Variants in MS4A1 observed in about 807,000 individuals in gnomAD.
MS4A1 encodes the protein B-lymphocyte antigen CD20.
A neutral mutation model predicts 26.5 loss-of-function variants in MS4A1; 16 were observed. The ratio of observed to expected loss-of-function variants is 0.60; its 90% CI spans 0.41 to 0.92. MS4A1 has a LOEUF of 0.92. MS4A1 is among the 40% of genes least tolerant of loss of function. The pLI, the probability that MS4A1 is intolerant of heterozygous loss-of-function variation, is 0.00. For missense variants in MS4A1, 350 were observed against 353.0 expected (o/e 0.99, Z 0.07); for synonymous variants, 128 against 117.6 (o/e 1.09, Z -0.57).
intron 6 of MS4A1, chr11:60,466,673 T>C: frequency 1.2e-5 from 5 of 432,538 alleles, no homozygotes; most frequent in South Asian, 1.1e-4. Flanking sequence ...TTGAGACTCA[T>C]TACTTATTCT....
chr11:60,465,472 C>T (rs1415721720), intron 5 of MS4A1, among the ~76,000 whole-genome samples: 2 of 152,168 alleles, frequency 1.3e-5, no homozygotes, highest in Non-Finnish European at 2.9e-5. Context: ...CCTTCCCAAC[C>T]TATACTTCAT....
intron 7 of MS4A1, among the ~76,000 whole-genome samples, chr11:60,467,584 T>C (rs1389742095): frequency 6.6e-6 from 1 of 152,016 alleles, no homozygotes; most frequent in Non-Finnish European, 1.5e-5. Flanking sequence ...CCTCTGTGCA[T>C]CTTCTTATTA....
chr11:60,461,703 A>T (rs1054808582), intron 2 of MS4A1, among the ~76,000 whole-genome samples: 15 of 151,592 alleles, frequency 9.9e-5, no homozygotes, highest in African/African-American at 2.9e-4. Flanking sequence ...TATTTGTAGT[A>T]GAGATGGGGT....
At position 60,461,101 on chromosome 11, in the gene MS4A1, C is replaced by T. The variant is rs2086243862; in HGVS notation, c.-250C>T. On this transcript the variant is annotated 5_prime_UTR_variant, in exon 2 of 8. Transcript: ENST00000345732. Reference sequence around the variant, plus strand: ...TGAACAAGAGAGAACAAAATCTCTACTTTGATGGAACTTCCATTCTGTGGG... The same window carrying T: ...TGAACAAGAGAGAACAAAATCTCTATTTTGATGGAACTTCCATTCTGTGGG... The T allele has an allele frequency of 6.6e-6, 1 of 151,806 alleles. No homozygotes were observed. The highest frequency in any genetic ancestry group is 1.5e-5 in the Non-Finnish European group (1 of 68,034). The allele number at this position is 151,806 out of a possible 1,614,324, so 9.4% of individuals were successfully genotyped here. A position where few individuals can be genotyped will look rare whatever the true frequency, so the allele number is the denominator to read the frequency against.
intron 5 of MS4A1, among the ~76,000 whole-genome samples, chr11:60,464,707 T>C (rs2086276560): frequency 6.6e-6 from 1 of 152,354 alleles, no homozygotes; most frequent in East Asian, 1.9e-4. Context: ...TAAGCCATTT[T>C]TTGGCCGTAA....
rs950305878 is a variant in MS4A1, at chr11:60,468,745, G to C, written c.*277G>C. ...TCAGAATGTGATTTCCTACTAACCT[G>C]TTCCTTGGATAGGCTTTTTAGTATA... On this transcript the variant is annotated 3_prime_UTR_variant, in exon 8 of 8. Transcript: ENST00000345732. The C allele has an allele frequency of 9.0e-6, 4 of 443,678 alleles. No individual in the cohort carries two copies. The highest frequency in any genetic ancestry group is 1.6e-5 in the Non-Finnish European group (4 of 248,510). The allele number at this position is 443,678 out of a possible 1,614,324, so 27.5% of individuals were successfully genotyped here.
At position 60,468,266 on chromosome 11, in the gene MS4A1, C is replaced by A. The variant is rs2086311476; in HGVS notation, c.692C>A (p.Ser231Ter). ...CTGTTTTAGAACATAGTTCTCCTGT[C>A]AGCAGAAGAAAAAAAAGAACAGACT... The part of the protein sequence containing the change: ...SRPKSNIVLL[S>*]AEEKKEQTIE... The change falls in exon 8 of 8, where the codon TCA (serine) becomes TAA (stop). Residue 231 changes from serine (S) to a stop codon, truncating the protein, a stop_gained. Transcript: ENST00000345732. LOFTEE classifies it high-confidence loss of function. The A allele has an allele frequency of 6.2e-7, 1 of 1,612,056 alleles. No homozygotes were observed. The highest frequency in any genetic ancestry group is 1.1e-5 in the South Asian group (1 of 90,780).
In MS4A1 at chr11:60,466,634, A is replaced by C. The variant is rs2086294123; in HGVS notation, c.574-325A>C. ...GAAGAGGTCTCCTAGGCATGATGCC[A>C]CACCAACTAAGGCTGAATACAATTT... On this transcript the variant is annotated intron_variant, in intron 6 of 7. Coordinates refer to ENST00000345732, the MANE Select transcript of MS4A1 (RefSeq NM_152866.3). The C allele has an allele frequency of 1.0e-5, 4 of 381,574 alleles. No individual in the cohort carries two copies. The East Asian group carries it at 2.5e-4, about 23-fold the overall frequency. The allele number at this position is 381,574 out of a possible 1,614,324, so 23.6% of individuals were successfully genotyped here. A position where few individuals can be genotyped will look rare whatever the true frequency, so the allele number is the denominator to read the frequency against.
At chr11:60,466,829 C>A in intron 6 of MS4A1, 130 bp from the exon 7 acceptor site, 1 of 883,644 alleles carries the variant, frequency 1.1e-6, no homozygotes, top group Middle Eastern at 2.6e-4. Flanking sequence ...GTTCTCACAG[C>A]TATTCATTAC....
In MS4A1 at chr11:60,457,918, G is replaced by C. The variant is rs2086217214; in HGVS notation, c.-280+1973G>C. On this transcript the variant is annotated intron_variant, in intron 1 of 7. Coordinates refer to ENST00000345732, the MANE Select transcript of MS4A1 (RefSeq NM_152866.3). ...TGCTAGATTAAAAGAAGAGGACTTT[G>C]GGATTCAGGGACACTGAAGTACATT... 3 of 152,178 alleles carry C rather than the reference G, an allele frequency of 2.0e-5. 1 individual carries two copies. In the East Asian group the frequency reaches 5.8e-4, roughly 29 times the overall value. 9.4% of individuals were successfully genotyped at this position (152,178 alleles called of 1,614,324 possible).
Position 60,469,348 on chromosome 11 carries a change from C to A in MS4A1, c.*880C>A, listed in dbSNP as rs201027934. On this transcript the variant is annotated 3_prime_UTR_variant, in exon 8 of 8. Transcript: ENST00000345732. ...CTATTTTACAAGTAATTCAAAGAGG[C>A]CAAATAACTTGTAAACAAGAAAAGG... 8 of 152,066 alleles carry A rather than the reference C, an allele frequency of 5.3e-5. No individual in the cohort carries two copies. Among genetic ancestry groups the A allele is most frequent in the Admixed American group, 1.3e-4 (2 of 15,274 alleles). The allele number at this position is 152,066 out of a possible 1,614,324, so 9.4% of individuals were successfully genotyped here.
chr11:60,457,173 A>G (rs1260259884), intron 1 of MS4A1, among the ~76,000 whole-genome samples: 1 of 152,190 alleles, frequency 6.6e-6, no homozygotes, highest in Non-Finnish European at 1.5e-5. Context: ...TCTAATGCAG[A>G]GTTTGATTGA....
chr11:60,460,275 A>C (rs7121046), intron 1 of MS4A1, among the ~76,000 whole-genome samples: 11,316 of 152,164 alleles, frequency 0.074, 443 homozygotes, highest in South Asian at 0.17. Context: ...AAAAATATTT[A>C]CTAATTATGT....
At position 60,470,657 on chromosome 11, in the gene MS4A1, A is replaced by G. The variant is rs1022058796; in HGVS notation, c.*2189A>G. 6 of 152,004 alleles carry G rather than the reference A, an allele frequency of 3.9e-5. No homozygotes were observed. Among genetic ancestry groups the G allele is most frequent in the African/African-American group, 1.4e-4 (6 of 41,452 alleles). The allele number at this position is 152,004 out of a possible 1,614,324, so 9.4% of individuals were successfully genotyped here. A position where few individuals can be genotyped will look rare whatever the true frequency, so the allele number is the denominator to read the frequency against. The stretch of plus-strand genomic sequence containing the variant: ...AACATGCTTTGCCAAGAAGTAGAAG[A>G]TATATTCTCTAGCCTTAGTTTTTCC... On this transcript the variant is annotated 3_prime_UTR_variant, in exon 8 of 8. Coordinates refer to ENST00000345732, the MANE Select transcript of MS4A1 (RefSeq NM_152866.3).
At position 60,468,292 on chromosome 11, in the gene MS4A1, A is replaced by G. The variant is rs201410977; in HGVS notation, c.718A>G (p.Ile240Val). Residue 240 changes from isoleucine (I) to valine (V), a missense_variant, in exon 8 of 8, where the codon ATT becomes GTT. By Grantham distance (29) the Ile-to-Val change is conservative. Transcript: ENST00000345732. ...AGCAGAAGAAAAAAAAGAACAGACT[A>G]TTGAAATAAAAGAAGAAGTGGTTGG... The part of the protein sequence containing the change: ...LSAEEKKEQT[I>V]EIKEEVVGLT... 1.4e-5 allele frequency: 23 copies of G among 1,613,762 alleles called. No homozygotes were observed. Among genetic ancestry groups the G allele is most frequent in the Non-Finnish European group, 1.8e-5 (21 of 1,179,868 alleles).
intron 4 of MS4A1, 23 bp from the exon 5 acceptor site, chr11:60,464,265 T>TC (rs1478583254): frequency 7.3e-7 from 1 of 1,360,642 alleles, no homozygotes; most frequent in Non-Finnish European, 1.0e-6. Context: ...CCTCTCCATC[T>TC]CCCCCACCTC....
rs769876283 is a variant in MS4A1, at chr11:60,468,352, G to A, written c.778G>A (p.Glu260Lys). 2 of 1,614,050 alleles carry A rather than the reference G, an allele frequency of 1.2e-6. No individual in the cohort carries two copies. The highest frequency in any genetic ancestry group is 3.3e-5 in the Admixed American group (2 of 60,026). Reference sequence around the variant, plus strand: ...AACATCTTCCCAACCAAAGAATGAAGAAGACATTGAAATTATTCCAATCCA... The same window carrying A: ...AACATCTTCCCAACCAAAGAATGAAAAAGACATTGAAATTATTCCAATCCA... ...TETSSQPKNE[E>K]DIEIIPIQEE... is the part of the protein sequence containing the mutation. The change falls in exon 8 of 8, where the codon GAA becomes AAA. Residue 260 changes from glutamate (E) to lysine (K), a missense_variant. Transcript: ENST00000345732.
At chr11:60,467,464 C>T (rs1345264079) in intron 7 of MS4A1, among the ~76,000 whole-genome samples, 3 of 151,942 alleles carry the variant, frequency 2.0e-5, no homozygotes, top group African/African-American at 4.8e-5. Flanking sequence ...TTTGTAGAGA[C>T]GGGGGTTCAC....
In MS4A1 at chr11:60,463,025, C is replaced by T. The variant is rs775234557; in HGVS notation, c.183C>T (p.Leu61=). 2 of 1,614,006 alleles carry T rather than the reference C, an allele frequency of 1.2e-6. No individual in the cohort carries two copies. Among genetic ancestry groups the T allele is most frequent in the African/African-American group, 2.7e-5 (2 of 74,936 alleles). Residue 61 remains leucine (L), a synonymous_variant, in exon 4 of 8, where the codon CTC becomes CTT. Coordinates refer to ENST00000345732, the MANE Select transcript of MS4A1 (RefSeq NM_152866.3). ...AGGCTGTCCAGATTATGAATGGGCT[C>T]TTCCACATTGCCCTGGGGGGTCTTC... is the stretch of plus-strand genomic sequence containing the variant. The part of the protein sequence containing the change: ...TLGAVQIMNG[L]FHIALGGLLM...
Sources: gnomAD v4.1 joint callset for allele counts (sites outside exome capture counted in the v4.1 genomes callset) on GRCh38, gnomAD v4.1.1 for gene constraint, MANE v1.5 for transcripts, NCBI Gene and HGNC (gene_info 2026-07-23, HGNC 2026-07-21) for gene names.